Variants in NPAS3 observed in about 807,000 individuals in gnomAD.
NPAS3 encodes neuronal PAS domain protein 3, also known as neuronal PAS domain-containing protein 3.
A neutral mutation model predicts 73.1 loss-of-function variants in NPAS3; 14 were observed. That is an observed-to-expected ratio of 0.19 (90% confidence interval 0.13 to 0.30). NPAS3 has a LOEUF of 0.30. Among genes scored for constraint, NPAS3 ranks in the 10% least tolerant of loss-of-function variants. The pLI is 1.00. For missense variants in NPAS3, 1,096 were observed against 1,250.0 expected (o/e 0.88, Z 1.86); for synonymous variants, 620 against 541.5 (o/e 1.14, Z -2.01).
chr14:33,694,278 G>A (rs1371184726), intron 6 of NPAS3, among the ~76,000 whole-genome samples: 1 of 152,170 alleles, frequency 6.6e-6, no homozygotes, highest in East Asian at 1.9e-4. Context: ...GAAATGATAT[G>A]TGTTAGTCTT....
At chr14:33,216,804 T>C (rs183223453) in intron 3 of NPAS3, among the ~76,000 whole-genome samples, 2 of 152,236 alleles carry the variant, frequency 1.3e-5, no homozygotes, top group African/African-American at 2.4e-5. Flanking sequence ...CACTTAAAGA[T>C]TGAGGAGAAC....
At chr14:33,322,013 G>A (rs2043468834) in intron 3 of NPAS3, among the ~76,000 whole-genome samples, 1 of 152,176 alleles carries the variant, frequency 6.6e-6, no homozygotes, top group Admixed American at 6.6e-5. Context: ...TTGTGAGAAG[G>A]GAAGGGGCCT....
Position 33,223,301 on chromosome 14 carries a change from G to C in NPAS3, c.385+7875G>C, listed in dbSNP as rs1031471581. 2.0e-5 allele frequency among the ~76,000 whole-genome samples: 3 copies of C among 152,224 alleles called. No homozygotes were observed. The South Asian group carries it at 6.2e-4, about 32-fold the overall frequency. Reference sequence around the variant, plus strand: ...ATTCCAGCCTGGACAACAAGAGTGAGACTCCATGTCAAAAGCAAAACAAAA... The same window carrying C: ...ATTCCAGCCTGGACAACAAGAGTGACACTCCATGTCAAAAGCAAAACAAAA... On this transcript the variant is annotated intron_variant, in intron 3 of 11. Transcript: ENST00000356141.
At chr14:33,521,956 T>TAAATAAACC in intron 4 of NPAS3, among the ~76,000 whole-genome samples, 2 of 152,198 alleles carry the variant, frequency 1.3e-5, no homozygotes, top group Non-Finnish European at 2.9e-5. Context: ...ACCTATTTGA[T>TAAATAAACC]TAATTTGTAA....
intron 3 of NPAS3, among the ~76,000 whole-genome samples, chr14:33,230,972 C>T (rs1428121168): frequency 1.3e-5 from 2 of 152,152 alleles, no homozygotes; most frequent in Admixed American, 6.5e-5. Context: ...TGCATTATTT[C>T]ACTCTACCAA....
intron 7 of NPAS3, among the ~76,000 whole-genome samples, chr14:33,746,267 C>T (rs2061793364): frequency 6.6e-6 from 1 of 151,642 alleles, no homozygotes; most frequent in Non-Finnish European, 1.5e-5. Context: ...CAGCTCACTG[C>T]AACCTCTGCT....
intron 3 of NPAS3, among the ~76,000 whole-genome samples, chr14:33,253,630 T>C (rs1354276323): frequency 2.0e-5 from 3 of 152,062 alleles, no homozygotes. Context: ...GTTTTATGCC[T>C]TCCATGATGA....
At chr14:33,415,357 A>G (rs2048103891) in intron 4 of NPAS3, among the ~76,000 whole-genome samples, 1 of 151,974 alleles carries the variant, frequency 6.6e-6, no homozygotes, top group Non-Finnish European at 1.5e-5. Flanking sequence ...TATCCTTGCC[A>G]TTTTGAGTAA....
intron 2 of NPAS3, among the ~76,000 whole-genome samples, chr14:33,159,788 C>T (rs1284870725): frequency 6.6e-6 from 1 of 152,042 alleles, no homozygotes; most frequent in Non-Finnish European, 1.5e-5. Context: ...GTCCTGACCT[C>T]GTGATCCACC....
chr14:33,580,956 A>G (rs543669272), intron 5 of NPAS3, among the ~76,000 whole-genome samples: 3 of 152,328 alleles, frequency 2.0e-5, no homozygotes, highest in South Asian at 4.1e-4. Context: ...TTCATCCCAC[A>G]CATCAAAATA....
intron 3 of NPAS3, among the ~76,000 whole-genome samples, chr14:33,260,253 C>G (rs2048925118): frequency 6.6e-6 from 1 of 152,058 alleles, no homozygotes; most frequent in South Asian, 2.1e-4. Flanking sequence ...TTTTGAACAT[C>G]TGGAAATGAT....
intron 4 of NPAS3, among the ~76,000 whole-genome samples, chr14:33,372,894 A>G (rs967795710): frequency 6.6e-6 from 1 of 152,202 alleles, no homozygotes; most frequent in African/African-American, 2.4e-5. Context: ...TGGAAAGTAG[A>G]TGTGATTAAG....
At chr14:33,212,063 T>C (rs2047060388) in intron 2 of NPAS3, among the ~76,000 whole-genome samples, 1 of 152,226 alleles carries the variant, frequency 6.6e-6, no homozygotes, top group African/African-American at 2.4e-5. Context: ...ACAAAGTTTA[T>C]TTTGGGTTTT....
rs913646793 is a variant in NPAS3 at position 33,662,802 on chromosome 14, A to T, written c.559-13409A>T. ...TGTAGTTTTTGCACACTGATTTTGT[A>T]TCCTGAGACTTTGCTGAAGTTGCTT... On this transcript the variant is annotated intron_variant, in intron 5 of 11. Coordinates refer to ENST00000356141, the Ensembl canonical transcript of NPAS3. 1.6e-4 allele frequency among the ~76,000 whole-genome samples: 23 copies of T among 147,362 alleles called. 1 individual carries two copies. The highest frequency in any genetic ancestry group is 9.5e-4 in the Admixed American group (14 of 14,804).
chr14:33,737,712 G>A (rs1316336093), intron 7 of NPAS3, among the ~76,000 whole-genome samples: 2 of 152,134 alleles, frequency 1.3e-5, no homozygotes, highest in African/African-American at 4.8e-5. Flanking sequence ...GAGAGCCCAT[G>A]GCATGACACA....
intron 5 of NPAS3, among the ~76,000 whole-genome samples, chr14:33,667,020 G>T (rs2059470043): frequency 6.6e-6 from 1 of 152,104 alleles, no homozygotes; most frequent in Admixed American, 6.6e-5. Flanking sequence ...ATTTTAAAAA[G>T]TAAAAACAAG....
chr14:33,586,645 A>C (rs1335643590), intron 5 of NPAS3, among the ~76,000 whole-genome samples: 2 of 152,236 alleles, frequency 1.3e-5, no homozygotes, highest in Non-Finnish European at 2.9e-5. Context: ...TTTTAATGCC[A>C]ATACATTTTC....
chr14:33,541,445 C>A (rs1230533340), intron 4 of NPAS3, among the ~76,000 whole-genome samples: 1 of 152,142 alleles, frequency 6.6e-6, no homozygotes, highest in Admixed American at 6.5e-5. Context: ...CAGTGACAGG[C>A]TGGGGTTGGA....
chr14:33,598,703 C>T (rs937487037), intron 5 of NPAS3, among the ~76,000 whole-genome samples: 32 of 152,044 alleles, frequency 2.1e-4, no homozygotes, highest in African/African-American at 6.5e-4. Context: ...GTTTTGTGGC[C>T]GATGGCTGCA....
Sources: gnomAD v4.1 joint callset for allele counts (sites outside exome capture counted in the v4.1 genomes callset) on GRCh38, gnomAD v4.1.1 for gene constraint, MANE v1.5 for transcripts, NCBI Gene and HGNC (gene_info 2026-07-23, HGNC 2026-07-21) for gene names.